CADM2: variants seen among roughly 807,000 people sequenced by gnomAD.
CADM2 encodes immunoglobulin superfamily member 4D.
CADM2 carries 12 observed loss-of-function variants against 49.8 expected under a neutral mutation model. The ratio of observed to expected loss-of-function variants is 0.24; its 90% confidence interval spans 0.15 to 0.39. CADM2 has a LOEUF of 0.39. Among genes scored for constraint, CADM2 ranks in the 10% least tolerant of loss-of-function variants. CADM2 has a pLI of 1.00. For missense variants in CADM2, 378 were observed against 492.3 expected (o/e 0.77, Z 2.20); for synonymous variants, 214 against 175.4 (o/e 1.22, Z -1.74).
intron 8 of CADM2, among the ~76,000 whole-genome samples, chr3:86,022,609 A>T (rs530341777): frequency 6.6e-6 from 1 of 152,264 alleles, no homozygotes; most frequent in Non-Finnish European, 1.5e-5. Context: ...ACCTGTTTCT[A>T]CAGTTTGAGT....
intron 1 of CADM2, among the ~76,000 whole-genome samples, chr3:85,660,851 G>A (rs1057366776): frequency 4.0e-5 from 6 of 150,448 alleles, no homozygotes; most frequent in Admixed American, 6.6e-5. Context: ...TTTTCCCTCC[G>A]TCTTTCTCTC....
chr3:85,419,858 A>G (rs2036088304), intron 1 of CADM2, among the ~76,000 whole-genome samples: 1 of 152,196 alleles, frequency 6.6e-6, no homozygotes, highest in Admixed American at 6.5e-5. Flanking sequence ...AATCACCTGG[A>G]GAGTTTTTTC....
intron 1 of CADM2, among the ~76,000 whole-genome samples, chr3:85,458,536 A>C (rs73843622): frequency 0.012 from 1,770 of 152,322 alleles, 30 homozygotes; most frequent in African/African-American, 0.041. Context: ...ATTGAACTGC[A>C]TCTTGCCGTT....
At chr3:85,074,730 G>A (rs2036877381) in intron 1 of CADM2, among the ~76,000 whole-genome samples, 1 of 152,048 alleles carries the variant, frequency 6.6e-6, no homozygotes, top group Non-Finnish European at 1.5e-5. Flanking sequence ...CTCACTAAAT[G>A]TCTGTTGGGA....
At chr3:85,110,779 G>A (rs1040701215) in intron 1 of CADM2, among the ~76,000 whole-genome samples, 9 of 151,770 alleles carry the variant, frequency 5.9e-5, no homozygotes, top group Non-Finnish European at 1.2e-4. Flanking sequence ...AGTTGCAATA[G>A]AAGGACATAA....
intron 1 of CADM2, among the ~76,000 whole-genome samples, chr3:85,664,777 C>T (rs2065515361): frequency 6.6e-6 from 1 of 151,956 alleles, no homozygotes; most frequent in Admixed American, 6.6e-5. Context: ...TCTCTTATCC[C>T]ATCTGCAGGA....
intron 7 of CADM2, among the ~76,000 whole-genome samples, chr3:85,943,510 G>T (rs1260757290): frequency 1.3e-5 from 2 of 150,820 alleles, no homozygotes; most frequent in Non-Finnish European, 2.9e-5. Flanking sequence ...ATTGATTTTT[G>T]TATAAGGTGT....
At chr3:86,041,507 G>T (rs915436415) in intron 8 of CADM2, among the ~76,000 whole-genome samples, 1 of 152,046 alleles carries the variant, frequency 6.6e-6, no homozygotes, top group Non-Finnish European at 1.5e-5. Context: ...AATGGTAAAG[G>T]GATCAATTCA....
At chr3:85,113,532 C>T (rs1030524739) in intron 1 of CADM2, among the ~76,000 whole-genome samples, 7 of 152,024 alleles carry the variant, frequency 4.6e-5, no homozygotes, top group African/African-American at 1.7e-4. Flanking sequence ...TCAAAAACAT[C>T]AGTTTAAACA....
chr3:85,984,165 TATGTGCAC>T (rs2108679100), intron 8 of CADM2, among the ~76,000 whole-genome samples: 1 of 150,380 alleles, frequency 6.6e-6, no homozygotes, highest in Non-Finnish European at 1.5e-5. Context: ...TGTGTACATA[TATGTGCAC>T]ATATGTACAC....
chr3:85,618,681 ATAT>A (rs2063872604), intron 1 of CADM2, among the ~76,000 whole-genome samples: 2 of 152,078 alleles, frequency 1.3e-5, no homozygotes, highest in African/African-American at 4.8e-5. Context: ...TATAATACAC[ATAT>A]TATACTATTA....
At chr3:85,548,612 A>G (rs2061727359) in intron 1 of CADM2, among the ~76,000 whole-genome samples, 1 of 152,158 alleles carries the variant, frequency 6.6e-6, no homozygotes, top group Non-Finnish European at 1.5e-5. Flanking sequence ...ATGTAATTTG[A>G]AGGCCCAAAT....
At chr3:85,394,299 A>C (rs1487952365) in intron 1 of CADM2, among the ~76,000 whole-genome samples, 1 of 152,154 alleles carries the variant, frequency 6.6e-6, no homozygotes, top group Non-Finnish European at 1.5e-5. Context: ...TACCATAATA[A>C]ATGCATAATT....
intron 1 of CADM2, among the ~76,000 whole-genome samples, chr3:85,146,201 C>G (rs966763704): frequency 6.6e-6 from 1 of 152,118 alleles, no homozygotes; most frequent in African/African-American, 2.4e-5. Flanking sequence ...TGGATTTTTA[C>G]ATTTTAACAA....
chr3:85,536,117 GA>G lies in CADM2; in HGVS notation c.62-190402del, dbSNP rs1344099466. Among the ~76,000 whole-genome samples the G allele has an allele frequency of 2.6e-5, 4 of 152,086 alleles. No homozygotes were observed. The South Asian group carries it at 8.3e-4, about 31-fold the overall frequency. ...AGAAAGAAAGAAAACATATGGAAAG[GA>G]AATAAAGTCATTGTGTGTTTAAGGG... On this transcript the variant is annotated intron_variant, in intron 1 of 9. Coordinates refer to ENST00000383699, the MANE Select transcript of CADM2 (RefSeq NM_001167675.2).
chr3:85,616,918 T>A (rs545094893), intron 1 of CADM2, among the ~76,000 whole-genome samples: 1 of 152,118 alleles, frequency 6.6e-6, no homozygotes, highest in South Asian at 2.1e-4. Flanking sequence ...AGAAACAAAG[T>A]CTAGGTACAT....
At chr3:85,401,068 A>G (rs1202912750) in intron 1 of CADM2, among the ~76,000 whole-genome samples, 1 of 152,184 alleles carries the variant, frequency 6.6e-6, no homozygotes, top group Non-Finnish European at 1.5e-5. Context: ...TTTGAAAAAC[A>G]GATGCATTTT....
intron 2 of CADM2, among the ~76,000 whole-genome samples, chr3:85,751,213 T>C (rs17023276): frequency 0.1 from 15,876 of 151,880 alleles, 932 homozygotes; most frequent in South Asian, 0.12. Context: ...AGTCAAGGGG[T>C]CTAACATTCA....
At chr3:85,603,369 AG>A (rs1212812104) in intron 1 of CADM2, among the ~76,000 whole-genome samples, 3 of 151,018 alleles carry the variant, frequency 2.0e-5, no homozygotes, top group African/African-American at 7.2e-5. Context: ...TTTGCAAACA[AG>A]GTTTTTTTAA....
Sources: gnomAD v4.1 joint callset for allele counts (sites outside exome capture counted in the v4.1 genomes callset) on GRCh38, gnomAD v4.1.1 for gene constraint, MANE v1.5 for transcripts, NCBI Gene and HGNC (gene_info 2026-07-23, HGNC 2026-07-21) for gene names.